Variants in FSTL5 observed in about 807,000 individuals in gnomAD.
FSTL5 encodes the protein follistatin like 5, also known as follistatin-related protein 5.
FSTL5 carries 62 observed loss-of-function variants against 89.1 expected under a neutral mutation model. That is an observed-to-expected ratio of 0.70 (90% CI 0.57 to 0.86). The LOEUF is 0.86. Ranked by LOEUF, FSTL5 falls within the 40% of genes least tolerant of loss-of-function variation. The pLI is 0.00. For missense variants in FSTL5, 1,057 were observed against 1,001.6 expected (o/e 1.06, Z -0.75); for synonymous variants, 383 against 346.2 (o/e 1.11, Z -1.18).
intron 15 of FSTL5, among the ~76,000 whole-genome samples, chr4:161,435,799 G>T (rs1732540682): frequency 1.3e-5 from 2 of 151,792 alleles, no homozygotes; most frequent in South Asian, 4.1e-4. Flanking sequence ...ATCAAAACCA[G>T]ATGGTCCCTT....
At chr4:161,473,077 A>G (rs1054484943) in intron 13 of FSTL5, among the ~76,000 whole-genome samples, 1 of 152,176 alleles carries the variant, frequency 6.6e-6, no homozygotes, top group Non-Finnish European at 1.5e-5. Flanking sequence ...CATATCATTT[A>G]TCCTGGAAAA....
intron 2 of FSTL5, among the ~76,000 whole-genome samples, chr4:162,057,430 A>G (rs1204030886): frequency 6.6e-6 from 1 of 152,184 alleles, no homozygotes; most frequent in East Asian, 1.9e-4. Context: ...TGCTAAAGGT[A>G]TTTTAACAGA....
chr4:161,533,115 C>G (rs1034757463), intron 10 of FSTL5, among the ~76,000 whole-genome samples: 7 of 149,370 alleles, frequency 4.7e-5, no homozygotes, highest in Non-Finnish European at 8.9e-5. Context: ...ATACCTGCAT[C>G]AAGAGGTTAG....
intron 4 of FSTL5, among the ~76,000 whole-genome samples, chr4:161,860,345 A>G (rs945275342): frequency 6.6e-6 from 1 of 152,204 alleles, no homozygotes; most frequent in Non-Finnish European, 1.5e-5. Flanking sequence ...TGTAGAGCTA[A>G]TTATGAAGAT....
intron 13 of FSTL5, among the ~76,000 whole-genome samples, chr4:161,469,518 A>G (rs1251002390): frequency 1.3e-5 from 2 of 152,030 alleles, no homozygotes; most frequent in African/African-American, 4.8e-5. Context: ...CATCTCATTG[A>G]GTTTTGACTT....
chr4:161,834,582 C>T (rs550852421), intron 4 of FSTL5, among the ~76,000 whole-genome samples: 1 of 152,258 alleles, frequency 6.6e-6, no homozygotes, highest in South Asian at 2.1e-4. Flanking sequence ...TCTCCTTAAG[C>T]TGATAAGCAA....
At chr4:161,861,290 G>T (rs1320588783) in intron 4 of FSTL5, among the ~76,000 whole-genome samples, 2 of 152,112 alleles carry the variant, frequency 1.3e-5, no homozygotes, top group African/African-American at 4.8e-5. Flanking sequence ...GGCCATGGTG[G>T]TGCGTGCCGC....
intron 3 of FSTL5, among the ~76,000 whole-genome samples, chr4:161,989,024 G>A (rs11100405): frequency 0.055 from 8,367 of 152,230 alleles, 266 homozygotes; most frequent in Non-Finnish European, 0.077. Context: ...GAATGTGACA[G>A]TGACCTTCAT....
chr4:161,679,935 C>T (rs1579015704), intron 6 of FSTL5, among the ~76,000 whole-genome samples: 1 of 151,616 alleles, frequency 6.6e-6, no homozygotes, highest in Non-Finnish European at 1.5e-5. Flanking sequence ...GAGTACAAAA[C>T]AATACTAAAC....
intron 15 of FSTL5, among the ~76,000 whole-genome samples, chr4:161,447,061 A>C (rs1404998100): frequency 1.3e-5 from 2 of 152,192 alleles, no homozygotes; most frequent in South Asian, 2.1e-4. Context: ...TTTACTGAAC[A>C]CTTTGATGAG....
At chr4:161,723,460 C>G (rs892989347) in intron 6 of FSTL5, among the ~76,000 whole-genome samples, 1 of 152,298 alleles carries the variant, frequency 6.6e-6, no homozygotes, top group African/African-American at 2.4e-5. Flanking sequence ...GAATATTAGG[C>G]AGGGCACAAC....
intron 15 of FSTL5, among the ~76,000 whole-genome samples, chr4:161,435,177 T>C (rs894995014): frequency 1.3e-5 from 2 of 152,166 alleles, no homozygotes; most frequent in Admixed American, 6.5e-5. Flanking sequence ...GCAAGCTAAG[T>C]GCTCATCACC....
At chr4:162,150,137 T>C (rs1282608191) in intron 1 of FSTL5, among the ~76,000 whole-genome samples, 1 of 152,106 alleles carries the variant, frequency 6.6e-6, no homozygotes, top group East Asian at 1.9e-4. Context: ...GAATAAATAT[T>C]GACATACTTG....
At chr4:161,997,332 A>G (rs928786378) in intron 3 of FSTL5, among the ~76,000 whole-genome samples, 1 of 152,188 alleles carries the variant, frequency 6.6e-6, no homozygotes, top group Admixed American at 6.5e-5. Flanking sequence ...CATAACTGAC[A>G]AAGGAATGAC....
chr4:161,484,196 A>T (rs1377513385), intron 12 of FSTL5, among the ~76,000 whole-genome samples: 2 of 152,144 alleles, frequency 1.3e-5, no homozygotes, highest in Non-Finnish European at 2.9e-5. Context: ...ACCTATTAAA[A>T]ATACTTTGCC....
At chr4:161,897,974 G>T (rs139464796) in intron 4 of FSTL5, among the ~76,000 whole-genome samples, 101 of 151,680 alleles carry the variant, frequency 6.7e-4, no homozygotes, top group African/African-American at 2.3e-3. Flanking sequence ...ATTGGAATCA[G>T]TCTATAGCCT....
At chr4:161,559,226 A>C (rs2126568051) in intron 8 of FSTL5, among the ~76,000 whole-genome samples, 1 of 151,752 alleles carries the variant, frequency 6.6e-6, no homozygotes, top group African/African-American at 2.4e-5. Flanking sequence ...TTTCTAATCT[A>C]TATCCTCTCC....
intron 6 of FSTL5, among the ~76,000 whole-genome samples, chr4:161,697,866 T>C (rs1468458189): frequency 3.3e-5 from 5 of 152,120 alleles, no homozygotes. Context: ...AGTTTATTAT[T>C]GCCCCCCAAC....
intron 4 of FSTL5, among the ~76,000 whole-genome samples, chr4:161,891,826 T>C (rs1978668): frequency 0.83 from 126,619 of 151,914 alleles, 53,408 homozygotes; most frequent in Non-Finnish European, 0.9. Context: ...TGGACTATTA[T>C]AGATCTTATA....
Sources: allele counts gnomAD v4.1 joint callset (sites outside exome capture counted in the v4.1 genomes callset), GRCh38; gene constraint gnomAD v4.1.1; transcripts MANE v1.5; gene names NCBI Gene and HGNC (gene_info 2026-07-23, HGNC 2026-07-21).